The following SERBP1 variants were observed in gnomAD, a reference collection of about 807,000 sequenced individuals.
SERBP1 encodes the protein SERPINE1 mRNA-binding protein 1.
In SERBP1, 6 loss-of-function variants were observed where a neutral mutation model predicts 50.2. The ratio of observed to expected loss-of-function variants is 0.12; its 90% confidence interval spans 0.07 to 0.24. The LOEUF is 0.24. SERBP1 is among the 10% of genes least tolerant of loss of function. SERBP1 has a pLI of 1.00. For synonymous variants in SERBP1, 168 were observed against 182.8 expected, an observed-to-expected ratio of 0.92 and a Z score of 0.65; for missense variants, 346 against 524.9, an observed-to-expected ratio of 0.66 and a Z score of 3.33.
intron 7 of SERBP1, 43 bp downstream of exon 7, chr1:67,415,123 A>G (rs772756719): frequency 4.0e-5 from 61 of 1,521,568 alleles, no homozygotes; most frequent in Non-Finnish European, 3.5e-5. Context: ...GACTTATAAG[A>G]GGTCCTTAAA....
chr1:67,426,379 C>CTA, intron 1 of SERBP1, 94 bp from the exon 2 acceptor site: 1 of 1,261,588 alleles, frequency 7.9e-7, no homozygotes, highest in Non-Finnish European at 1.1e-6. Context: ...TTCCAATCCA[C>CTA]TACCATTTCC....
At chr1:67,426,040 AGG>A in intron 2 of SERBP1, 93 bp downstream of exon 2, 3 of 1,035,484 alleles carry the variant, frequency 2.9e-6, no homozygotes, top group Non-Finnish European at 4.2e-6. Context: ...ATTTGAGCCC[AGG>A]AAGCAGAGGC....
intron 1 of SERBP1, among the ~76,000 whole-genome samples, chr1:67,427,253 T>C (rs1040165750): frequency 9.8e-5 from 15 of 152,310 alleles, no homozygotes; most frequent in African/African-American, 3.6e-4. Context: ...TTTCCCCCTT[T>C]ACTACTTTTT....
chr1:67,423,850 A>G (rs1490783006), intron 5 of SERBP1, among the ~76,000 whole-genome samples: 1 of 152,090 alleles, frequency 6.6e-6, no homozygotes, highest in Non-Finnish European at 1.5e-5. Flanking sequence ...AAAATATTCT[A>G]TTTTTCAAAG....
At chr1:67,422,214 T>C (rs148383473) in intron 5 of SERBP1, among the ~76,000 whole-genome samples, 348 of 152,200 alleles carry the variant, frequency 2.3e-3, no homozygotes, top group African/African-American at 7.1e-3. Flanking sequence ...GCAAATTCTT[T>C]CTGAAGAAAA....
chr1:67,418,957 T>TA (rs1373572126), intron 6 of SERBP1, among the ~76,000 whole-genome samples: 2 of 152,104 alleles, frequency 1.3e-5, no homozygotes, highest in African/African-American at 4.8e-5. Flanking sequence ...GAAGAAATAA[T>TA]ATAGTTAGGG....
rs528801780 is a variant in SERBP1 at position 67,426,132 on chromosome 1, T to C, written c.464+3A>G. 3.1e-6 allele frequency: 5 copies of C among 1,602,478 alleles called. No homozygotes were observed. In the South Asian group the frequency reaches 5.6e-5, roughly 18 times the overall value. On this transcript the variant is annotated splice_donor_region_variant and intron_variant, in intron 2 of 7. Transcript: ENST00000361219. ...CCTGGCTCAAAAACAAGAAACAACTTACCTATCAACTGAAAATTCGCCTCC... is the reference window on the plus strand; with the variant it reads ...CCTGGCTCAAAAACAAGAAACAACTCACCTATCAACTGAAAATTCGCCTCC...
rs528295398 is a variant in SERBP1 at position 67,408,739 on chromosome 1, C to A, written c.*4468G>T. ...GATCTGAGTCACTAAATGTGAAATA[C>A]TAATCATGGTATTTTTTAACAGATT... On this transcript the variant is annotated 3_prime_UTR_variant, in exon 8 of 8. Transcript: ENST00000361219. 5.9e-5 allele frequency: 9 copies of A among 152,260 alleles called. No homozygotes were observed. In the South Asian group the frequency reaches 1.9e-3, roughly 32 times the overall value. The allele number at this position is 152,260 out of a possible 1,614,324, so 9.4% of individuals were successfully genotyped here.
chr1:67,415,348 A>T lies in SERBP1; in HGVS notation c.952-9T>A. ...GAATCTTCAGCATGAGCCTAAAAAT[A>T]TAAGTGAAGATGATTGTGTTATTAG... On this transcript the variant is annotated splice_polypyrimidine_tract_variant and intron_variant, in intron 6 of 7. Coordinates refer to ENST00000361219, the MANE Select transcript of SERBP1 (RefSeq NM_001018069.2). 1 of 1,559,256 alleles carries T rather than the reference A, an allele frequency of 6.4e-7. No individual in the cohort carries two copies. Among genetic ancestry groups the T allele is most frequent in the Non-Finnish European group, 8.7e-7 (1 of 1,151,928 alleles).
intron 5 of SERBP1, among the ~76,000 whole-genome samples, chr1:67,423,437 T>C (rs1667268419): frequency 1.3e-5 from 2 of 152,052 alleles, no homozygotes; most frequent in South Asian, 2.1e-4. Flanking sequence ...TGAAACCCTG[T>C]CTCTACTAAA....
At chr1:67,424,328 G>C (rs1667301185) in intron 4 of SERBP1, 51 bp from the exon 5 acceptor site, 1 of 1,581,854 alleles carries the variant, frequency 6.3e-7, no homozygotes, top group Non-Finnish European at 8.6e-7. Flanking sequence ...ACTCTCTAAG[G>C]AAAGAAAGAA....
chr1:67,416,745 T>G (rs1305118629), intron 6 of SERBP1, among the ~76,000 whole-genome samples: 3 of 152,222 alleles, frequency 2.0e-5, no homozygotes, highest in Non-Finnish European at 4.4e-5. Context: ...CACTCCTTTG[T>G]ACCAAACCAA....
intron 6 of SERBP1, 43 bp from the exon 7 acceptor site, chr1:67,415,382 T>G: frequency 6.8e-7 from 1 of 1,473,548 alleles, no homozygotes; most frequent in South Asian, 1.4e-5. Flanking sequence ...AGTAGAAAAG[T>G]AACATTGCAA....
intron 5 of SERBP1, among the ~76,000 whole-genome samples, chr1:67,421,893 C>T (rs759428801): frequency 2.6e-5 from 4 of 152,040 alleles, no homozygotes; most frequent in Admixed American, 6.6e-5. Context: ...TGGCCAAAAT[C>T]GCGCCACTGC....
At chr1:67,416,473 ATCT>A (rs1430406888) in intron 6 of SERBP1, among the ~76,000 whole-genome samples, 1 of 152,208 alleles carries the variant, frequency 6.6e-6, no homozygotes, top group Non-Finnish European at 1.5e-5. Flanking sequence ...ATGGGTTTTA[ATCT>A]TCTAGTTGAA....
In SERBP1 at chr1:67,412,245, AG is replaced by A. The variant is rs1454045826; in HGVS notation, c.*961del. 1 of 152,688 alleles carries A rather than the reference AG, an allele frequency of 6.5e-6. No individual in the cohort carries two copies. The highest frequency in any genetic ancestry group is 1.5e-5 in the Non-Finnish European group (1 of 68,044). 9.5% of individuals were successfully genotyped at this position (152,688 alleles called of 1,614,324 possible). ...TTTGATTTTGGGACCTTTCACACAC[AG>A]AAATCATACCAAATGGCCAGACACT... On this transcript the variant is annotated 3_prime_UTR_variant, in exon 8 of 8. Transcript: ENST00000361219.
At chr1:67,427,095 G>C (rs943406570) in intron 1 of SERBP1, among the ~76,000 whole-genome samples, 6 of 152,136 alleles carry the variant, frequency 3.9e-5, no homozygotes, top group African/African-American at 1.4e-4. Flanking sequence ...TGCATGGAGA[G>C]AGTCCTCTAA....
chr1:67,429,682 A>C, intron 1 of SERBP1: 11 of 264,482 alleles, frequency 4.2e-5, no homozygotes, highest in Middle Eastern at 1.2e-3. Context: ...TCCGGCGGGA[A>C]GGCAACAGCC....
chr1:67,424,343 A>G (rs1570300256), intron 4 of SERBP1, 66 bp from the exon 5 acceptor site: 1 of 1,579,920 alleles, frequency 6.3e-7, no homozygotes, highest in Admixed American at 1.9e-5. Flanking sequence ...AAAGAAAAAG[A>G]AAGGCATCTA....
Sources: allele counts gnomAD v4.1 joint callset (sites outside exome capture counted in the v4.1 genomes callset), GRCh38; gene constraint gnomAD v4.1.1; transcripts MANE v1.5; gene names NCBI Gene and HGNC (gene_info 2026-07-23, HGNC 2026-07-21).